The following RBFOX1 variants were observed in gnomAD, a reference collection of about 807,000 sequenced individuals.
RBFOX1 encodes the protein RNA binding fox-1 homolog 1.
A neutral mutation model predicts 57.7 loss-of-function variants in RBFOX1; 8 were observed. That is an observed-to-expected ratio of 0.14 (90% CI 0.08 to 0.25). The LOEUF (loss-of-function observed/expected upper bound fraction) is 0.25, where lower values mean the gene tolerates loss of function less well. Ranked by LOEUF, RBFOX1 falls within the 10% of genes least tolerant of loss-of-function variation. RBFOX1 has a pLI of 1.00. For synonymous variants in RBFOX1, 326 were observed against 222.4 expected, an observed-to-expected ratio of 1.47 and a Z score of -4.15; for missense variants, 611 against 548.5, an observed-to-expected ratio of 1.11 and a Z score of -1.14.
At chr16:7,409,480 G>A (rs1350835329) in intron 4 of RBFOX1, among the ~76,000 whole-genome samples, 1 of 152,168 alleles carries the variant, frequency 6.6e-6, no homozygotes, top group Admixed American at 6.5e-5. Flanking sequence ...ACAGCACAGG[G>A]CTCCTGAACA....
intron 3 of RBFOX1, among the ~76,000 whole-genome samples, chr16:6,898,900 CGTA>C (rs769487355): frequency 8.4e-5 from 12 of 142,720 alleles, no homozygotes; most frequent in African/African-American, 3.5e-4. Context: ...GTGTGCATCT[CGTA>C]TGTGTTTGTG....
intron 3 of RBFOX1, among the ~76,000 whole-genome samples, chr16:6,994,126 A>T (rs2091920901): frequency 6.6e-6 from 1 of 151,802 alleles, no homozygotes; most frequent in South Asian, 2.1e-4. Context: ...TGATGAGGGG[A>T]GTTTGGGAAT....
chr16:6,694,429 A>G (rs2060714980), intron 3 of RBFOX1, among the ~76,000 whole-genome samples: 2 of 152,370 alleles, frequency 1.3e-5, no homozygotes, highest in Admixed American at 6.5e-5. Context: ...TGGTCTTACC[A>G]TGTGAACATT....
At chr16:5,960,776 C>T (rs148190250) in intron 4 of RBFOX1, among the ~76,000 whole-genome samples, 1 of 152,154 alleles carries the variant, frequency 6.6e-6, no homozygotes, top group Non-Finnish European at 1.5e-5. Flanking sequence ...CCAAACATCC[C>T]TTTGATTTAA....
rs1229729668 is a variant in RBFOX1, at chr16:5,617,745, T to C, written c.318+18784T>C. On this transcript the variant is annotated intron_variant, in intron 3 of 19. Coordinates refer to the RBFOX1 transcript ENST00000641259. ...TCTCTCCATATTCCTAAGCTAATGC[T>C]GTGAACGGGAAAAACAAGGTTTGCT... is the stretch of plus-strand genomic sequence containing the variant. 2.6e-5 allele frequency among the ~76,000 whole-genome samples: 4 copies of C among 152,344 alleles called. No individual in the cohort carries two copies. The East Asian group carries it at 5.8e-4, about 22-fold the overall frequency.
intron 3 of RBFOX1, among the ~76,000 whole-genome samples, chr16:6,792,444 G>A (rs1399267459): frequency 6.6e-6 from 1 of 152,100 alleles, no homozygotes; most frequent in Non-Finnish European, 1.5e-5. Context: ...AGGTCAACCT[G>A]TTCATACCTT....
chr16:6,282,628 C>T (rs1191138781), intron 1 of RBFOX1, among the ~76,000 whole-genome samples: 1 of 151,992 alleles, frequency 6.6e-6, no homozygotes, highest in East Asian at 1.9e-4. Context: ...TGAGTGAGAA[C>T]ATGTGGTGTT....
intron 3 of RBFOX1, among the ~76,000 whole-genome samples, chr16:6,892,616 G>A (rs1330085888): frequency 6.6e-6 from 1 of 152,154 alleles, no homozygotes; most frequent in Admixed American, 6.5e-5. Context: ...GTTGCAGTAA[G>A]GCAAGATTGC....
chr16:7,656,116 C>A (rs2066239792), intron 12 of RBFOX1, among the ~76,000 whole-genome samples: 1 of 152,188 alleles, frequency 6.6e-6, no homozygotes, highest in Non-Finnish European at 1.5e-5. Context: ...GGCTGGCATT[C>A]TAAAGCCATA....
At position 6,928,489 on chromosome 16, in the gene RBFOX1, C is replaced by G. The variant is rs553092727; in HGVS notation, c.-15-123568C>G. On this transcript the variant is annotated intron_variant, in intron 3 of 15. Transcript: ENST00000550418. ...AAGAACGTTCAACTCAGAAATAAGA[C>G]TGCTTTCATGCGTTAATTATGCACC... 5.9e-5 allele frequency among the ~76,000 whole-genome samples: 9 copies of G among 152,240 alleles called. 1 individual carries two copies. In the South Asian group the frequency reaches 1.9e-3, roughly 32 times the overall value.
chr16:6,148,086 C>T (rs978960287), intron 1 of RBFOX1, among the ~76,000 whole-genome samples: 16 of 152,120 alleles, frequency 1.1e-4, no homozygotes, highest in Non-Finnish European at 2.1e-4. Flanking sequence ...CCCAGCACTT[C>T]GGGAGGCCGA....
At chr16:6,434,141 C>A (rs2094172870) in intron 2 of RBFOX1, among the ~76,000 whole-genome samples, 1 of 152,114 alleles carries the variant, frequency 6.6e-6, no homozygotes, top group African/African-American at 2.4e-5. Flanking sequence ...AGCCACCGTG[C>A]CTGGTCACTT....
At chr16:7,074,808 T>C (rs192735941) in intron 4 of RBFOX1, among the ~76,000 whole-genome samples, 3 of 152,292 alleles carry the variant, frequency 2.0e-5, no homozygotes, top group East Asian at 3.9e-4. Context: ...GATAAACAGA[T>C]GCATTTTCTT....
chr16:6,721,374 C>T (rs1170765779), intron 3 of RBFOX1, among the ~76,000 whole-genome samples: 6 of 152,090 alleles, frequency 3.9e-5, no homozygotes, highest in South Asian at 2.1e-4. Context: ...ACCCGGGAGG[C>T]GGAGGTTACA....
At chr16:5,613,509 G>C in intron 3 of RBFOX1, among the ~76,000 whole-genome samples, 1 of 152,164 alleles carries the variant, frequency 6.6e-6, no homozygotes, top group East Asian at 1.9e-4. Flanking sequence ...GTCTAAAACT[G>C]AGGGCAGAGG....
chr16:5,835,843 C>G (rs996596666), intron 3 of RBFOX1, among the ~76,000 whole-genome samples: 13 of 152,264 alleles, frequency 8.5e-5, no homozygotes, highest in African/African-American at 3.1e-4. Context: ...TTGGAGGAAC[C>G]ATGCCCACAG....
At chr16:5,491,136 G>A (rs2042814361) in intron 2 of RBFOX1, among the ~76,000 whole-genome samples, 1 of 151,992 alleles carries the variant, frequency 6.6e-6, no homozygotes, top group African/African-American at 2.4e-5. Flanking sequence ...GTCATCGGCC[G>A]AAACATCGTT....
intron 2 of RBFOX1, among the ~76,000 whole-genome samples, chr16:6,449,965 G>A (rs772725952): frequency 2.8e-4 from 42 of 152,332 alleles, no homozygotes; most frequent in Non-Finnish European, 4.7e-4. Flanking sequence ...AGAGAGCTGT[G>A]TGCATGGAGT....
intron 1 of RBFOX1, among the ~76,000 whole-genome samples, chr16:5,307,937 C>A (rs549292599): frequency 6.6e-6 from 1 of 152,306 alleles, no homozygotes; most frequent in East Asian, 1.9e-4. Flanking sequence ...CTTGGCCTCC[C>A]AGAGTGCTGA....
Sources: allele counts gnomAD v4.1 joint callset (sites outside exome capture counted in the v4.1 genomes callset), GRCh38; gene constraint gnomAD v4.1.1; transcripts MANE v1.5; gene names NCBI Gene and HGNC (gene_info 2026-07-23, HGNC 2026-07-21).